PIDD1: variants seen among roughly 807,000 people sequenced by gnomAD.
The protein encoded by PIDD1 is p53-induced death domain-containing protein 1.
PIDD1 carries 72 observed loss-of-function variants against 80.0 expected under a neutral mutation model. The observed-to-expected ratio is 0.90, with a 90% CI of 0.74 to 1.09. PIDD1 has a LOEUF of 1.09. Among genes scored for constraint, PIDD1 ranks in the 50% least tolerant of loss-of-function variants. The pLI, the probability that PIDD1 is intolerant of heterozygous loss-of-function variation, is 0.00. For missense variants in PIDD1, 1,329 were observed against 1,228.3 expected (o/e 1.08, Z -1.23); for synonymous variants, 655 against 543.5 (o/e 1.21, Z -2.85).
At chr11:808,079 G>A (rs1402192331), upstream of PIDD1, among the ~76,000 whole-genome samples, 1 of 151,948 alleles carries the variant, frequency 6.6e-6, no homozygotes, top group African/African-American at 2.4e-5. Flanking sequence ...AAGGGTGGGG[G>A]AGCAGGGAAT....
chr11:801,644 A>C lies in PIDD1; in HGVS notation c.1303-20T>G. ...GAGCCGCTGGGATGGGGGAGAGAGG[A>C]GGTCACAGGAGCCTGGGTCAGGGCA... On this transcript the variant is annotated intron_variant, in intron 7 of 15. Coordinates refer to ENST00000347755, the MANE Select transcript of PIDD1 (RefSeq NM_145886.4). The C allele has an allele frequency of 6.5e-7, 1 of 1,545,290 alleles. No homozygotes were observed. The highest frequency in any genetic ancestry group is 8.8e-7 in the Non-Finnish European group (1 of 1,141,952).
chr11:800,302 G>T (rs201951386), intron 13 of PIDD1, 31 bp downstream of exon 13: 4 of 1,612,616 alleles, frequency 2.5e-6, no homozygotes, highest in East Asian at 2.2e-5. Context: ...GGCCTGGGGG[G>T]CCTCTCCCCT....
intron 3 of PIDD1, 66 bp downstream of exon 3, chr11:803,108 A>G: frequency 8.1e-7 from 1 of 1,231,354 alleles, no homozygotes. Context: ...AGGCCCCTGC[A>G]GAAGACAGGC....
At chr11:803,639 AG>A in intron 2 of PIDD1, 52 bp from the exon 3 acceptor site, 1 of 1,552,184 alleles carries the variant, frequency 6.4e-7, no homozygotes, top group Non-Finnish European at 8.7e-7. Context: ...CCGAGGTCCC[AG>A]ATCGACCCTG....
At chr11:800,093 C>G in intron 14 of PIDD1, 38 bp downstream of exon 14, 1 of 1,604,142 alleles carries the variant, frequency 6.2e-7, no homozygotes, top group South Asian at 1.1e-5. Flanking sequence ...CCCTGGGCCT[C>G]GGTCCTGCCC....
In PIDD1 at chr11:799,515, C is replaced by T. The variant is rs201475441; in HGVS notation, c.2525G>A (p.Arg842His). The T allele has an allele frequency of 3.7e-5, 59 of 1,605,968 alleles. No homozygotes were observed. Among genetic ancestry groups the T allele is most frequent in the Admixed American group, 2.3e-4 (14 of 59,986 alleles). Residue 842 changes from arginine to histidine, a missense_variant, in exon 16 of 16, where the codon CGC becomes CAC. Transcript: ENST00000347755. ...IRHMLFSWAE[R>H]QAGQPGAVGL... ...CACAGCCCCTGGCTGCCCAGCCTGG[C>T]GCTCAGCCCAGGAGAAGAGCATGTG...
chr11:799,364 C>G lies in PIDD1; in HGVS notation c.2676G>C (p.Lys892Asn). The G allele has an allele frequency of 6.2e-7, 1 of 1,611,464 alleles. No individual in the cohort carries two copies. Among genetic ancestry groups the G allele is most frequent in the Non-Finnish European group, 8.5e-7 (1 of 1,179,768 alleles). The part of the protein sequence containing the change: ...DSIRRMGLAP[K>N]DPALPGSSAP... ...CCGAGGAGCCAGGCAGAGCGGGGTC[C>G]TTGGGGGCCAAGCCCATGCGTCGGA... The change falls in exon 16 of 16, where the codon AAG (lysine) becomes AAC (asparagine). Residue 892 changes from lysine to asparagine, a missense_variant. Lys to Asn is a moderately conservative substitution (Grantham distance 94). Coordinates refer to ENST00000347755, the MANE Select transcript of PIDD1 (RefSeq NM_145886.4).
In PIDD1 at chr11:804,149, G is replaced by A; in HGVS notation, c.240C>T (p.Ala80=). 6.2e-7 allele frequency: 1 copy of A among 1,613,234 alleles called. No individual in the cohort carries two copies. Residue 80 remains alanine, a synonymous_variant, in exon 2 of 16, where the codon GCC becomes GCT. Transcript: ENST00000347755. ...GGCTCTGAGGCAGCTGGGCCAGGGTGGCCTCCAGCAGCTGAGGGTCCTCGT... is the reference window on the plus strand; with the variant it reads ...GGCTCTGAGGCAGCTGGGCCAGGGTAGCCTCCAGCAGCTGAGGGTCCTCGT... The part of the protein sequence containing the change: ...STHEDPQLLE[A]TLAQLPQSLS...
At position 805,214 on chromosome 11, in the gene PIDD1, A is replaced by G; in HGVS notation, c.-111T>C. ...GGCGGCGCGCAAAGGGTGGCTGCTC[A>G]GCGGGCGCTCGGCGCCTGGGATCCC... On this transcript the variant is annotated 5_prime_UTR_variant, in exon 1 of 16. Coordinates refer to ENST00000347755, the MANE Select transcript of PIDD1 (RefSeq NM_145886.4). 1.0e-6 allele frequency: 1 copy of G among 983,322 alleles called. No individual in the cohort carries two copies. The highest frequency in any genetic ancestry group is 1.2e-6 in the Non-Finnish European group (1 of 828,196). 60.9% of individuals were successfully genotyped at this position (983,322 alleles called of 1,614,324 possible). A position where few individuals can be genotyped will look rare whatever the true frequency, so the allele number is the denominator to read the frequency against.
intron 9 of PIDD1, 35 bp downstream of exon 9, chr11:801,183 C>T (rs1865280980): frequency 1.0e-5 from 16 of 1,544,056 alleles, no homozygotes; most frequent in Non-Finnish European, 1.4e-5. Context: ...ACCCTATGGC[C>T]ACAGGTCCAG....
At chr11:799,769 G>A in intron 15 of PIDD1, 46 bp downstream of exon 15, 1 of 1,458,748 alleles carries the variant, frequency 6.9e-7, no homozygotes, top group South Asian at 1.4e-5. Flanking sequence ...CAGGCAGCCA[G>A]GGCTCAGCCC....
upstream of PIDD1, among the ~76,000 whole-genome samples, chr11:806,292 G>A (rs190855208): frequency 1.3e-5 from 2 of 151,732 alleles, no homozygotes; most frequent in African/African-American, 4.8e-5. Context: ...CACCAGCTAT[G>A]CCTGCTTCTT....
rs1201922222 is a variant in PIDD1, at chr11:802,842, G to C, written c.759C>G (p.Ala253=). 6.3e-7 allele frequency: 1 copy of C among 1,592,678 alleles called. No individual in the cohort carries two copies. Among genetic ancestry groups the C allele is most frequent in the South Asian group, 1.1e-5 (1 of 88,314 alleles). The change falls in exon 4 of 16, where the codon GCC becomes GCG. Residue 253 remains alanine, a synonymous_variant. Coordinates refer to ENST00000347755, the MANE Select transcript of PIDD1 (RefSeq NM_145886.4). ...GGCGGGCCAAGTCAGCTGGCACAGA[G>C]GCCAGGAGGTTGCTGTGCAGGACAA... ...RLLVLHSNLL[A]SVPADLARLP...
upstream of PIDD1, among the ~76,000 whole-genome samples, chr11:806,905 C>T (rs964214134): frequency 3.9e-5 from 6 of 152,152 alleles, no homozygotes; most frequent in Non-Finnish European, 7.3e-5. Context: ...TAAAAACCAA[C>T]CACAGGCCTG....
In PIDD1 at chr11:801,245, G is replaced by A; in HGVS notation, c.1603C>T (p.Gln535Ter). Reference sequence around the variant, plus strand: ...GTGATGCCAGAGGGCAGAGGCAGCTGCACGGTGACCGGTTGGAGGAAGCTG... The same window carrying A: ...GTGATGCCAGAGGGCAGAGGCAGCTACACGGTGACCGGTTGGAGGAAGCTG... ...PPSFLQPVTVQLPLPSGITGL... is the reference protein window; with the variant it reads ...PPSFLQPVTV The change falls in exon 9 of 16, where the codon CAG (glutamine) becomes TAG (stop). Residue 535 changes from glutamine (Q) to a stop codon, truncating the protein, a stop_gained. Coordinates refer to ENST00000347755, the MANE Select transcript of PIDD1 (RefSeq NM_145886.4). LOFTEE classifies it high-confidence loss of function. The A allele has an allele frequency of 6.4e-7, 1 of 1,566,514 alleles. No individual in the cohort carries two copies. The highest frequency in any genetic ancestry group is 1.7e-4 in the Middle Eastern group (1 of 5,844).
In PIDD1 at chr11:801,314, C is replaced by T. The variant is rs775514969; in HGVS notation, c.1534G>A (p.Ala512Thr). ...ELQALLGEPE[A>T]AVSPLLCLSQ... Reference sequence around the variant, plus strand: ...AGGCACAGCAGGGGGCTCACTGCAGCCTCTGGTTCTCCCAGGAGGGCCTGC... The same window carrying T: ...AGGCACAGCAGGGGGCTCACTGCAGTCTCTGGTTCTCCCAGGAGGGCCTGC... Residue 512 changes from alanine to threonine, a missense_variant, in exon 9 of 16, where the codon GCT (alanine) becomes ACT (threonine). Transcript: ENST00000347755. 6.2e-7 allele frequency: 1 copy of T among 1,606,004 alleles called. No homozygotes were observed. Among genetic ancestry groups the T allele is most frequent in the South Asian group, 1.1e-5 (1 of 90,316 alleles).
rs1865463915 is a variant in PIDD1, at chr11:802,669, G to A, written c.919+13C>T. 1.9e-6 allele frequency: 3 copies of A among 1,608,324 alleles called. No individual in the cohort carries two copies. Among genetic ancestry groups the A allele is most frequent in the East Asian group, 2.2e-5 (1 of 44,760 alleles). ...TCCTATCCCAGGTCTGCCCCTTCTA[G>A]CACCAAGCCTACCTGGTGAACTCGG... On this transcript the variant is annotated intron_variant, in intron 4 of 15. Transcript: ENST00000347755.
chr11:800,854 C>T lies in PIDD1; in HGVS notation c.1825G>A (p.Glu609Lys). The change falls in exon 11 of 16, where the codon GAG (glutamate) becomes AAG (lysine). Residue 609 changes from glutamate (E) to lysine (K), a missense_variant. Coordinates refer to ENST00000347755, the MANE Select transcript of PIDD1 (RefSeq NM_145886.4). ...TTCACACGGTGCAGCCGCAGCCGCT[C>T]CCAGGCCTTCCGAGCCAGGCCTCCC... is the stretch of plus-strand genomic sequence containing the variant. ...CVGGLARKAW[E>K]RLRLHRVNLI... 3.2e-6 allele frequency: 5 copies of T among 1,576,626 alleles called. No individual in the cohort carries two copies. In the South Asian group the frequency reaches 5.8e-5, roughly 18 times the overall value.
rs1298338469 is a variant in PIDD1 at position 803,244 on chromosome 11, A to C, written c.639T>G (p.Ile213Met). 1.2e-6 allele frequency: 2 copies of C among 1,613,050 alleles called. No individual in the cohort carries two copies. The highest frequency in any genetic ancestry group is 1.3e-5 in the African/African-American group (1 of 75,042). Reference protein sequence around the residue: ...QNLLDTLPPEIGGLGSLLELN... With the variant: ...QNLLDTLPPEMGGLGSLLELN... ...GCTCCAGGAGGCTGCCCAGGCCTCCAATCTCAGGAGGTAGCGTGTCCAGCA... is the reference window on the plus strand; with the variant it reads ...GCTCCAGGAGGCTGCCCAGGCCTCCCATCTCAGGAGGTAGCGTGTCCAGCA... The change falls in exon 3 of 16, where the codon ATT becomes ATG. Residue 213 changes from isoleucine to methionine, a missense_variant. By Grantham distance (10) the Ile-to-Met change is conservative (BLOSUM62 1). Transcript: ENST00000347755.
Sources: allele counts gnomAD v4.1 joint callset (sites outside exome capture counted in the v4.1 genomes callset), GRCh38; gene constraint gnomAD v4.1.1; transcripts MANE v1.5; gene names NCBI Gene and HGNC (gene_info 2026-07-23, HGNC 2026-07-21).